DMTF1: variants seen among roughly 807,000 people sequenced by gnomAD.
The protein encoded by DMTF1 is cyclin D binding myb like transcription factor 1.
DMTF1 carries 39 observed loss-of-function variants against 91.1 expected under a neutral mutation model. The observed-to-expected ratio is 0.43, with a 90% CI of 0.33 to 0.56. DMTF1 has a LOEUF of 0.56. Ranked by LOEUF, DMTF1 falls within the 20% of genes least tolerant of loss-of-function variation. DMTF1 has a pLI of 0.05. For synonymous variants in DMTF1, 338 were observed against 309.5 expected, an observed-to-expected ratio of 1.09 and a Z score of -0.97; for missense variants, 750 against 914.5, an observed-to-expected ratio of 0.82 and a Z score of 2.32.
intron 9 of DMTF1, among the ~76,000 whole-genome samples, chr7:87,181,598 A>T (rs573249108): frequency 6.6e-6 from 1 of 152,300 alleles, no homozygotes; most frequent in Admixed American, 6.5e-5. Flanking sequence ...AGAAAAGATT[A>T]AGGGGCCATT....
intron 4 of DMTF1, among the ~76,000 whole-genome samples, chr7:87,167,162 A>C (rs1239930627): frequency 6.6e-6 from 1 of 152,238 alleles, no homozygotes. Flanking sequence ...TCTTAACCCC[A>C]ATGCCATATT....
chr7:87,188,246 C>T lies in DMTF1; in HGVS notation c.1356C>T (p.Ala452=). The T allele has an allele frequency of 6.2e-7, 1 of 1,613,978 alleles. No individual in the cohort carries two copies. The highest frequency in any genetic ancestry group is 1.3e-5 in the African/African-American group (1 of 75,024). Residue 452 remains alanine (A), a synonymous_variant, in exon 13 of 18, where the codon GCC becomes GCT. Coordinates refer to ENST00000331242, the MANE Select transcript of DMTF1 (RefSeq NM_001142327.2). ...IRVARLEDNT[A]ISSSPMAALQ... ...TTGCCCGCTTGGAAGATAATACAGC[C>T]ATCTCTTCTAGCCCCATGGCAGCAT...
intron 1 of DMTF1, among the ~76,000 whole-genome samples, chr7:87,160,488 G>A (rs1011119292): frequency 1.3e-5 from 2 of 151,426 alleles, no homozygotes; most frequent in Non-Finnish European, 1.5e-5. Flanking sequence ...TTGGCCAGGC[G>A]GGTTTCGAAC....
At chr7:87,160,300 GTCTCAC>G (rs1337511656) in intron 1 of DMTF1, among the ~76,000 whole-genome samples, 5 of 144,340 alleles carry the variant, frequency 3.5e-5, no homozygotes, top group Non-Finnish European at 6.0e-5. Context: ...TTTTGACGAA[GTCTCAC>G]TCTCGTCCTC....
intron 11 of DMTF1, chr7:87,184,954 G>A (rs1034893705): frequency 1.3e-5 from 6 of 478,004 alleles, no homozygotes; most frequent in African/African-American, 9.8e-5. Context: ...CTCAGTCCTA[G>A]CCTAGGGGGA....
chr7:87,165,062 T>A lies in DMTF1; in HGVS notation c.109+12T>A. 1 of 1,568,954 alleles carries A rather than the reference T, an allele frequency of 6.4e-7. No individual in the cohort carries two copies. The highest frequency in any genetic ancestry group is 8.7e-7 in the Non-Finnish European group (1 of 1,144,122). ...CTGCCCTCAGAATGGTAGGAGAACT[T>A]GCTGACATATAATTCTGACTCTCTG... On this transcript the variant is annotated intron_variant, in intron 3 of 17. Transcript: ENST00000331242.
chr7:87,184,356 A>G lies in DMTF1; in HGVS notation c.821-41A>G, dbSNP rs552682959. 9 of 1,568,232 alleles carry G rather than the reference A, an allele frequency of 5.7e-6. No individual in the cohort carries two copies. In the South Asian group the frequency reaches 1.0e-4, roughly 18 times the overall value. ...TAGAGGGCTGAATCAGATTTGTAAA[A>G]GAAGTTAGCAGTGGTAGTCTGGATG... On this transcript the variant is annotated intron_variant, in intron 10 of 17. Coordinates refer to ENST00000331242, the MANE Select transcript of DMTF1 (RefSeq NM_001142327.2).
In DMTF1 at chr7:87,193,277, T is replaced by C. The variant is rs1403749254; in HGVS notation, c.1574T>C (p.Leu525Pro). The change falls in exon 15 of 18, where the codon CTG becomes CCG. Residue 525 changes from leucine to proline, a missense_variant. Physicochemically the swap from Leu to Pro is moderately conservative, Grantham distance 98. Coordinates refer to ENST00000331242, the MANE Select transcript of DMTF1 (RefSeq NM_001142327.2). ...TCAAGCCAAGGCCTTCCCCTAACTC[T>C]GACTGCTAGTCCCACAGTAACCCTG... ...TSSSQGLPLT[L>P]TASPTVTLTA... 2 of 1,613,398 alleles carry C rather than the reference T, an allele frequency of 1.2e-6. No individual in the cohort carries two copies. Among genetic ancestry groups the C allele is most frequent in the Non-Finnish European group, 1.7e-6 (2 of 1,179,608 alleles).
intron 7 of DMTF1, among the ~76,000 whole-genome samples, chr7:87,177,056 A>C (rs186445620): frequency 1.3e-5 from 2 of 152,176 alleles, no homozygotes; most frequent in South Asian, 2.1e-4. Flanking sequence ...TGCATAAGAA[A>C]GAATTTTAGA....
At chr7:87,193,042 G>C in intron 14 of DMTF1, 156 bp from the exon 15 acceptor site, 1 of 677,950 alleles carries the variant, frequency 1.5e-6, no homozygotes, top group Non-Finnish European at 2.5e-6. Flanking sequence ...CTTCAGGCTA[G>C]GTAATGACTT....
At chr7:87,190,606 G>A (rs1799522455) in intron 13 of DMTF1, among the ~76,000 whole-genome samples, 1 of 152,040 alleles carries the variant, frequency 6.6e-6, no homozygotes, top group African/African-American at 2.4e-5. Flanking sequence ...GCCTTCTGGT[G>A]TCTGTCACAG....
Position 87,173,050 on chromosome 7 carries a change from A to G in DMTF1, c.328-485A>G, listed in dbSNP as rs76222920. ...TGTTAATATTTTAAGTTAAGAGATG[A>G]CATTATTGATGATTTAGGCAGCAAG... On this transcript the variant is annotated intron_variant, in intron 5 of 17. Coordinates refer to ENST00000331242, the MANE Select transcript of DMTF1 (RefSeq NM_001142327.2). 3.3e-3 allele frequency among the ~76,000 whole-genome samples: 498 copies of G among 152,348 alleles called. 3 individuals carry two copies. The highest frequency in any genetic ancestry group is 0.011 in the African/African-American group (466 of 41,576).
chr7:87,163,810 A>AT (rs1793105635), intron 2 of DMTF1, among the ~76,000 whole-genome samples, 193 bp downstream of exon 2: 2 of 152,210 alleles, frequency 1.3e-5, no homozygotes, highest in Non-Finnish European at 2.9e-5. Flanking sequence ...ATGTTAATAT[A>AT]TTTAAGTTTT....
intron 14 of DMTF1, chr7:87,192,793 A>T (rs527541841): frequency 8.2e-5 from 13 of 159,464 alleles, no homozygotes; most frequent in African/African-American, 2.4e-4. Context: ...TTCTATAAAA[A>T]ATTTCCCAAA....
In DMTF1 at chr7:87,193,368, T is replaced by C; in HGVS notation, c.1650+15T>C. On this transcript the variant is annotated intron_variant, in intron 15 of 17. Transcript: ENST00000331242. ...ATGCTTTATCCGTATGTTACATAAA[T>C]TACTTGATTTTTGAGTACCTGTTAT... 6.2e-7 allele frequency: 1 copy of C among 1,612,614 alleles called. No individual in the cohort carries two copies. The highest frequency in any genetic ancestry group is 8.5e-7 in the Non-Finnish European group (1 of 1,179,082).
At chr7:87,182,888 A>ATG (rs1408916716) in intron 10 of DMTF1, among the ~76,000 whole-genome samples, 2 of 152,350 alleles carry the variant, frequency 1.3e-5, no homozygotes, top group East Asian at 3.9e-4. Context: ...CTCTTAATGC[A>ATG]TGCAGATGTC....
chr7:87,188,050 T>C, intron 12 of DMTF1, 42 bp from the exon 13 acceptor site: 1 of 1,548,512 alleles, frequency 6.5e-7, no homozygotes, highest in East Asian at 2.3e-5. Context: ...TGGTGGTCTG[T>C]CGGAGAATCA....
At position 87,167,855 on chromosome 7, in the gene DMTF1, C is replaced by T. The variant is rs188398438; in HGVS notation, c.232+1250C>T. On this transcript the variant is annotated intron_variant, in intron 4 of 17. Coordinates refer to ENST00000331242, the MANE Select transcript of DMTF1 (RefSeq NM_001142327.2). ...TTGGCCTATCTATACAGATGTAATC[C>T]TAAATATTTTCTAAGCTAGAATTTT... Among the ~76,000 whole-genome samples, 41 of 152,154 alleles carry T rather than the reference C, an allele frequency of 2.7e-4. No homozygotes were observed. The East Asian group carries it at 6.0e-3, about 22-fold the overall frequency.
intron 10 of DMTF1, among the ~76,000 whole-genome samples, chr7:87,183,306 A>T (rs1797746405): frequency 1.3e-5 from 2 of 152,198 alleles, no homozygotes; most frequent in South Asian, 2.1e-4. Context: ...TAGATTTAGG[A>T]TAGGATCTCA....
Sources: gnomAD v4.1 joint callset for allele counts (sites outside exome capture counted in the v4.1 genomes callset) on GRCh38, gnomAD v4.1.1 for gene constraint, MANE v1.5 for transcripts, NCBI Gene and HGNC (gene_info 2026-07-23, HGNC 2026-07-21) for gene names.